Variants in TEX14 observed in about 807,000 individuals in gnomAD.
TEX14 encodes the protein inactive serine/threonine-protein kinase TEX14.
In TEX14, 168 loss-of-function variants were observed where a neutral mutation model predicts 178.6. The ratio of observed to expected loss-of-function variants is 0.94; its 90% CI spans 0.83 to 1.07. The LOEUF (loss-of-function observed/expected upper bound fraction) is 1.07. TEX14 is among the 50% of genes least tolerant of loss of function. TEX14 has a pLI of 0.00. For missense variants in TEX14, 1,730 were observed against 1,753.6 expected, an observed-to-expected ratio of 0.99 and a Z score of 0.24; for synonymous variants, 626 against 634.1, an observed-to-expected ratio of 0.99 and a Z score of 0.19.
At chr17:58,611,750 T>A (rs148889617) in intron 9 of TEX14, among the ~76,000 whole-genome samples, 1 of 152,278 alleles carries the variant, frequency 6.6e-6, no homozygotes, top group Non-Finnish European at 1.5e-5. Flanking sequence ...AGAATGCAGA[T>A]AACCAATTCA....
chr17:58,616,381 G>C (rs80037103), intron 6 of TEX14, 76 bp from the exon 7 acceptor site: 52 of 1,544,750 alleles, frequency 3.4e-5, no homozygotes, highest in Non-Finnish European at 4.4e-5. Context: ...TTATCAGCCA[G>C]CTAAAAGAAT....
chr17:58,658,222 CTCTT>C (rs1213641334), intron 1 of TEX14, among the ~76,000 whole-genome samples: 2 of 151,876 alleles, frequency 1.3e-5, no homozygotes, highest in Admixed American at 1.3e-4. Context: ...GCGTGAATTA[CTCTT>C]TCTCTATTGC....
At chr17:58,678,512 C>T (rs1354843368) in intron 1 of TEX14, among the ~76,000 whole-genome samples, 1 of 152,114 alleles carries the variant, frequency 6.6e-6, no homozygotes, top group Non-Finnish European at 1.5e-5. Context: ...AGGATGAGTT[C>T]ATGTCCTTTG....
intron 9 of TEX14, 27 bp downstream of exon 9, chr17:58,613,394 G>A: frequency 1.2e-6 from 2 of 1,613,398 alleles, no homozygotes; most frequent in Non-Finnish European, 1.7e-6. Context: ...GGTCAGCAAT[G>A]GAAAATCCAC....
At chr17:58,586,774 T>C (rs1453313602) in intron 17 of TEX14, among the ~76,000 whole-genome samples, 4 of 151,556 alleles carry the variant, frequency 2.6e-5, no homozygotes, top group African/African-American at 9.7e-5. Flanking sequence ...CTGGGGCCAC[T>C]GTCTGTGTGG....
At chr17:58,586,908 G>A (rs923287297) in intron 17 of TEX14, among the ~76,000 whole-genome samples, 4 of 152,126 alleles carry the variant, frequency 2.6e-5, no homozygotes, top group Non-Finnish European at 2.9e-5. Flanking sequence ...TGTGTGAGTG[G>A]GAGTGTGTGA....
intron 1 of TEX14, among the ~76,000 whole-genome samples, chr17:58,657,333 C>CG (rs1434629222): frequency 1.3e-5 from 2 of 151,558 alleles, no homozygotes; most frequent in Admixed American, 1.3e-4. Context: ...GTCTGTGTGT[C>CG]AGGGGGTGGA....
chr17:58,582,269 T>G (rs2044840014), intron 19 of TEX14, among the ~76,000 whole-genome samples: 1 of 152,180 alleles, frequency 6.6e-6, no homozygotes, highest in African/African-American at 2.4e-5. Flanking sequence ...TTTACTTATT[T>G]ATTTTTCTGA....
At chr17:58,630,961 G>A (rs2046273047) in intron 2 of TEX14, 1 of 156,244 alleles carries the variant, frequency 6.4e-6, no homozygotes, top group Non-Finnish European at 1.4e-5. Context: ...AGACTAATTC[G>A]ACAAGGGAAA....
rs900799185 is a variant in TEX14, at chr17:58,623,116, T to C, written c.252-104A>G. On this transcript the variant is annotated intron_variant, in intron 3 of 31. Coordinates refer to ENST00000349033, the MANE Select transcript of TEX14 (RefSeq NM_031272.5). ...AGGGCTCCCATTCTACAAGGCAACG[T>C]TGGTGACGAGGAATATAACAACATC... The C allele has an allele frequency of 9.5e-6, 10 of 1,048,316 alleles. No individual in the cohort carries two copies. In the Admixed American group the frequency reaches 1.3e-4, roughly 13 times the overall value. The allele number at this position is 1,048,316 out of a possible 1,614,324, so 64.9% of individuals were successfully genotyped here.
chr17:58,610,423 C>T (rs1483390125), intron 10 of TEX14, among the ~76,000 whole-genome samples: 1 of 152,188 alleles, frequency 6.6e-6, no homozygotes, highest in African/African-American at 2.4e-5. Context: ...CCCACTGTGT[C>T]CCCTCCATGT....
In TEX14 at chr17:58,621,798, C is replaced by T. The variant is rs747797867; in HGVS notation, c.418-12G>A. 6 of 1,609,776 alleles carry T rather than the reference C, an allele frequency of 3.7e-6. No individual in the cohort carries two copies. The highest frequency in any genetic ancestry group is 1.6e-4 in the Middle Eastern group (1 of 6,064). On this transcript the variant is annotated splice_polypyrimidine_tract_variant and intron_variant, in intron 4 of 31. Transcript: ENST00000349033. ...ATGAACTCCACTATCTGCAAAACAT[C>T]GCAGAGATGCCCAGTGCGGGCGCAC... is the stretch of plus-strand genomic sequence containing the variant.
chr17:58,659,642 A>AT (rs969692262), intron 1 of TEX14, among the ~76,000 whole-genome samples: 39 of 151,920 alleles, frequency 2.6e-4, no homozygotes, highest in African/African-American at 9.2e-4. Flanking sequence ...GTGATAAGAA[A>AT]TTTTTTTTCT....
At position 58,661,642 on chromosome 17, in the gene TEX14, G is replaced by C. The variant is rs768443621; in HGVS notation, c.-1-9640C>G. Reference sequence around the variant, plus strand: ...GAAATGTTGATTCCTTTCCTTTCTGGACACACGTAAAGATTCTGGCGTAGA... The same window carrying C: ...GAAATGTTGATTCCTTTCCTTTCTGCACACACGTAAAGATTCTGGCGTAGA... On this transcript the variant is annotated intron_variant, in intron 1 of 31. Coordinates refer to ENST00000349033, the MANE Select transcript of TEX14 (RefSeq NM_031272.5). 1.1e-5 allele frequency: 7 copies of C among 663,242 alleles called. No individual in the cohort carries two copies. In the South Asian group the frequency reaches 1.1e-4, roughly 10 times the overall value. 41.1% of individuals were successfully genotyped at this position (663,242 alleles called of 1,614,324 possible). A position where few individuals can be genotyped will look rare whatever the true frequency, so the allele number is the denominator to read the frequency against.
chr17:58,572,644 A>AG, intron 23 of TEX14, among the ~76,000 whole-genome samples: 2 of 152,128 alleles, frequency 1.3e-5, no homozygotes, highest in East Asian at 1.9e-4. Flanking sequence ...AAAAAAAAAA[A>AG]AAAAAAAATT....
chr17:58,655,309 G>A (rs538647275), intron 1 of TEX14, among the ~76,000 whole-genome samples: 2 of 151,932 alleles, frequency 1.3e-5, no homozygotes, highest in South Asian at 2.1e-4. Flanking sequence ...TCAGCCTCCC[G>A]AGTAGCTAGG....
At chr17:58,648,132 C>A (rs1487654238) in intron 2 of TEX14, 1 of 152,210 alleles carries the variant, frequency 6.6e-6, no homozygotes, top group African/African-American at 2.4e-5. Flanking sequence ...GGGGGAGAAC[C>A]AATAAGACAA....
chr17:58,601,749 G>C lies in TEX14; in HGVS notation c.1678+57C>G, dbSNP rs769846731. ...GAGGAGTCAATTAGTTGCAGCTCAT[G>C]TGACTCTCAGAACACATTTGTGTCA... On this transcript the variant is annotated intron_variant, in intron 13 of 31. Coordinates refer to ENST00000349033, the MANE Select transcript of TEX14 (RefSeq NM_031272.5). 101 of 1,512,984 alleles carry C rather than the reference G, an allele frequency of 6.7e-5. 1 individual carries two copies. The Middle Eastern group carries it at 7.2e-4, about 11-fold the overall frequency. The allele number at this position is 1,512,984 out of a possible 1,614,324, so 93.7% of individuals were successfully genotyped here.
chr17:58,596,191 TAAAAA>T (rs966629664), intron 14 of TEX14, among the ~76,000 whole-genome samples: 4 of 146,898 alleles, frequency 2.7e-5, no homozygotes, highest in African/African-American at 1.0e-4. Flanking sequence ...TTTAAAAATT[TAAAAA>T]AAAAAAAGTG....
Sources: allele counts gnomAD v4.1 joint callset (sites outside exome capture counted in the v4.1 genomes callset), GRCh38; gene constraint gnomAD v4.1.1; transcripts MANE v1.5; gene names NCBI Gene and HGNC (gene_info 2026-07-23, HGNC 2026-07-21).